The following SEMA6A variants were observed in gnomAD, a reference collection of about 807,000 sequenced individuals.
The protein encoded by SEMA6A is semaphorin 6A.
In SEMA6A, 25 loss-of-function variants were observed where a neutral mutation model predicts 96.8. The ratio of observed to expected loss-of-function variants is 0.26; its 90% CI spans 0.19 to 0.36. The LOEUF (loss-of-function observed/expected upper bound fraction) is 0.36. Ranked by LOEUF, SEMA6A falls within the 10% of genes least tolerant of loss-of-function variation. SEMA6A has a pLI of 1.00. For synonymous variants in SEMA6A, 612 were observed against 518.0 expected (o/e 1.18, Z -2.46); for missense variants, 1,363 against 1,323.1 (o/e 1.03, Z -0.47).
chr5:116,548,852 T>G (rs570406489), intron 1 of SEMA6A, among the ~76,000 whole-genome samples: 2 of 152,352 alleles, frequency 1.3e-5, no homozygotes, highest in South Asian at 2.1e-4. Context: ...GAATGCTGCC[T>G]TGGAAACTAA....
intron 15 of SEMA6A, among the ~76,000 whole-genome samples, chr5:116,477,300 T>C (rs921660003): frequency 3.3e-5 from 5 of 152,222 alleles, no homozygotes; most frequent in Admixed American, 6.5e-5. Context: ...AGCTGATCTG[T>C]TGGAGAACTG....
intron 17 of SEMA6A, chr5:116,469,500 C>CTAAGAGAAAA (rs1256312189): frequency 1.3e-5 from 2 of 151,872 alleles, no homozygotes; most frequent in African/African-American, 4.8e-5. Flanking sequence ...TATGGTCAGC[C>CTAAGAGAAAA]TAAGAGAAAA....
At chr5:116,469,958 T>G (rs1006136021) in intron 17 of SEMA6A, among the ~76,000 whole-genome samples, 1 of 152,220 alleles carries the variant, frequency 6.6e-6, no homozygotes, top group Non-Finnish European at 1.5e-5. Context: ...ATCTCGATTT[T>G]CTATATGTAA....
At chr5:116,550,414 T>G (rs1459155776) in intron 1 of SEMA6A, 1 of 152,184 alleles carries the variant, frequency 6.6e-6, no homozygotes, top group African/African-American at 2.4e-5. Flanking sequence ...ACTCCAAAAG[T>G]GCTAATGTTA....
intron 9 of SEMA6A, among the ~76,000 whole-genome samples, 154 bp downstream of exon 9, chr5:116,487,954 G>A (rs919664518): frequency 3.9e-5 from 6 of 152,100 alleles, no homozygotes; most frequent in Admixed American, 6.5e-5. Flanking sequence ...CTGCGATTTC[G>A]TTACTGTTCT....
At chr5:116,511,623 G>C (rs547651304) in intron 1 of SEMA6A, among the ~76,000 whole-genome samples, 1 of 152,190 alleles carries the variant, frequency 6.6e-6, no homozygotes, top group Non-Finnish European at 1.5e-5. Context: ...TAATGGCTTC[G>C]GTGATAAAAA....
rs867975843 is a variant in SEMA6A, at chr5:116,474,894, G to T, written c.1708+651C>A. Among the ~76,000 whole-genome samples, 27 of 152,154 alleles carry T rather than the reference G, an allele frequency of 1.8e-4. 1 individual carries two copies. The highest frequency in any genetic ancestry group is 3.4e-3 in the Middle Eastern group (1 of 294). On this transcript the variant is annotated intron_variant, in intron 16 of 18. Coordinates refer to ENST00000343348, the MANE Select transcript of SEMA6A (RefSeq NM_020796.5). Reference sequence around the variant, plus strand: ...TTCAGGAGAATATTGATATTAATCGGGTCACATGACAACTGGGCAGAAATT... The same window carrying T: ...TTCAGGAGAATATTGATATTAATCGTGTCACATGACAACTGGGCAGAAATT...
intron 1 of SEMA6A, among the ~76,000 whole-genome samples, chr5:116,516,316 C>T (rs1027209657): frequency 6.6e-6 from 1 of 152,046 alleles, no homozygotes; most frequent in Admixed American, 6.6e-5. Context: ...CCAGACACAT[C>T]GAGAACAGAC....
chr5:116,489,100 T>C, intron 7 of SEMA6A, 93 bp from the exon 8 acceptor site: 1 of 1,352,544 alleles, frequency 7.4e-7, no homozygotes, highest in Non-Finnish European at 9.7e-7. Flanking sequence ...CTTTCCAACA[T>C]CAGGCAAATG....
intron 17 of SEMA6A, 28 bp from the exon 18 acceptor site, chr5:116,467,775 A>T (rs746785406): frequency 5.7e-5 from 92 of 1,611,320 alleles, no homozygotes; most frequent in Non-Finnish European, 7.4e-5. Flanking sequence ...ACAGTTAGGA[A>T]AACATCACCA....
At chr5:116,464,008 ACAAGAATAGCTATTTGTTCT>A (rs1755573087) in intron 18 of SEMA6A, among the ~76,000 whole-genome samples, 1 of 152,202 alleles carries the variant, frequency 6.6e-6, no homozygotes. Context: ...AATAAGAGGC[ACAAGAATAGCTATTTGTTCT>A]CAGTATTGTT....
chr5:116,450,838 G>C lies in SEMA6A; in HGVS notation c.1895-3027C>G, dbSNP rs1213634063. On this transcript the variant is annotated intron_variant, in intron 18 of 18. Coordinates refer to ENST00000343348, the MANE Select transcript of SEMA6A (RefSeq NM_020796.5). ...AACGTCCAAAGATGGAAACAGATCA[G>C]AGAGTAAGTTGAAAGTGCAGTTGAA... Among the ~76,000 whole-genome samples, 3 of 152,322 alleles carry C rather than the reference G, an allele frequency of 2.0e-5. No individual in the cohort carries two copies. In the East Asian group the frequency reaches 5.8e-4, roughly 29 times the overall value.
intron 15 of SEMA6A, among the ~76,000 whole-genome samples, chr5:116,476,118 G>A (rs1756435591): frequency 6.6e-6 from 1 of 152,106 alleles, no homozygotes; most frequent in African/African-American, 2.4e-5. Flanking sequence ...GGTGCATTTT[G>A]TGGAGACTGC....
intron 8 of SEMA6A, 66 bp from the exon 9 acceptor site, chr5:116,488,262 G>A (rs903135378): frequency 1.9e-6 from 2 of 1,058,254 alleles, no homozygotes; most frequent in African/African-American, 1.6e-5. Context: ...TCAATCAAGT[G>A]TAGCCAAAGA....
intron 1 of SEMA6A, among the ~76,000 whole-genome samples, chr5:116,536,890 A>T (rs1244401661): frequency 2.7e-5 from 4 of 149,304 alleles, no homozygotes; most frequent in Admixed American, 2.6e-4. Context: ...AAAAAAAAAA[A>T]AAAAGCAAAA....
At chr5:116,466,709 T>C (rs892632063) in intron 18 of SEMA6A, among the ~76,000 whole-genome samples, 2 of 152,114 alleles carry the variant, frequency 1.3e-5, no homozygotes, top group Non-Finnish European at 2.9e-5. Context: ...AAACTCAAAC[T>C]CCCGCTTGGA....
At chr5:116,496,736 C>T (rs1757621284) in intron 4 of SEMA6A, among the ~76,000 whole-genome samples, 1 of 152,124 alleles carries the variant, frequency 6.6e-6, no homozygotes, top group Admixed American at 6.5e-5. Flanking sequence ...TTTTCTTAAA[C>T]ATAAAGAGGA....
chr5:116,571,211 G>C (rs1270047379), intron 1 of SEMA6A, among the ~76,000 whole-genome samples: 2 of 152,068 alleles, frequency 1.3e-5, no homozygotes, highest in Non-Finnish European at 2.9e-5. Flanking sequence ...ATTTACTTGA[G>C]TGTTCTATAC....
At chr5:116,536,445 C>T (rs1054191114) in intron 1 of SEMA6A, 6 of 152,144 alleles carry the variant, frequency 3.9e-5, no homozygotes, top group African/African-American at 1.4e-4. Flanking sequence ...ACTCAGTCCA[C>T]ACAGTAACGC....
Sources: gnomAD v4.1 joint callset for allele counts (sites outside exome capture counted in the v4.1 genomes callset) on GRCh38, gnomAD v4.1.1 for gene constraint, MANE v1.5 for transcripts, NCBI Gene and HGNC (gene_info 2026-07-23, HGNC 2026-07-21) for gene names.